The following CLSTN2 variants were observed in gnomAD, a reference collection of about 807,000 sequenced individuals.
CLSTN2 encodes the protein calsyntenin 2, also known as calsyntenin-2.
CLSTN2 carries 48 observed loss-of-function variants against 101.2 expected under a neutral mutation model. The ratio of observed to expected loss-of-function variants is 0.47; its 90% CI spans 0.38 to 0.60. The LOEUF is 0.60. Ranked by LOEUF, CLSTN2 falls within the 20% of genes least tolerant of loss-of-function variation. CLSTN2 has a pLI of 0.00. For synonymous variants in CLSTN2, 481 were observed against 463.6 expected (o/e 1.04, Z -0.48); for missense variants, 1,160 against 1,238.2 (o/e 0.94, Z 0.95).
At position 140,574,041 on chromosome 3, in the gene CLSTN2, C is replaced by T. The variant is rs1394958938; in HGVS notation, c.*7788C>T. 2.0e-5 allele frequency: 3 copies of T among 152,302 alleles called. No homozygotes were observed. The highest frequency in any genetic ancestry group is 2.1e-4 in the South Asian group (1 of 4,828). The allele number at this position is 152,302 out of a possible 1,614,324, so 9.4% of individuals were successfully genotyped here. On this transcript the variant is annotated 3_prime_UTR_variant, in exon 17 of 17. Transcript: ENST00000458420. ...CACCTCCTTAAGGTAAGAAGACTAC[C>T]GACTTAGCTATTGTGGCACCACGGG... is the stretch of plus-strand genomic sequence containing the variant.
At chr3:140,408,510 T>C (rs890822238) in intron 4 of CLSTN2, among the ~76,000 whole-genome samples, 3 of 152,190 alleles carry the variant, frequency 2.0e-5, no homozygotes, top group African/African-American at 7.2e-5. Flanking sequence ...TGGCTTTCAC[T>C]GCCAAGGAGC....
chr3:140,523,595 C>T (rs1306925722), intron 8 of CLSTN2, among the ~76,000 whole-genome samples: 1 of 152,204 alleles, frequency 6.6e-6, no homozygotes, highest in Non-Finnish European at 1.5e-5. Context: ...TTACTTAGCT[C>T]AATTCACACA....
intron 2 of CLSTN2, among the ~76,000 whole-genome samples, chr3:140,371,113 T>G (rs1481339004): frequency 6.6e-6 from 1 of 152,182 alleles, no homozygotes; most frequent in Non-Finnish European, 1.5e-5. Flanking sequence ...GGCAATGTGT[T>G]TCACAGGCAA....
rs1445298942 is a variant in CLSTN2 at position 140,459,565 on chromosome 3, G to T, written c.1018G>T (p.Ala340Ser). Residue 340 changes from alanine to serine, a missense_variant, in exon 7 of 17, where the codon GCC becomes TCC. Transcript: ENST00000458420. ...TGACCTCTTGCCATCCCCTAGCGCTGCCACCAACTGGACTGCAGGACTGCT... is the reference window on the plus strand; with the variant it reads ...TGACCTCTTGCCATCCCCTAGCGCTTCCACCAACTGGACTGCAGGACTGCT... ...IIDLLPSPSA[A>S]TNWTAGLLVD... is the part of the protein sequence containing the mutation. 2.5e-6 allele frequency: 4 copies of T among 1,614,098 alleles called. No homozygotes were observed. In the South Asian group the frequency reaches 4.4e-5, roughly 18 times the overall value.
At chr3:140,298,747 G>A (rs961989502) in intron 2 of CLSTN2, among the ~76,000 whole-genome samples, 2 of 152,224 alleles carry the variant, frequency 1.3e-5, no homozygotes, top group African/African-American at 4.8e-5. Flanking sequence ...AACTGTGGAT[G>A]CAGTGGGGGT....
chr3:140,386,291 T>A (rs142621209), intron 2 of CLSTN2, among the ~76,000 whole-genome samples: 1 of 152,280 alleles, frequency 6.6e-6, no homozygotes, highest in African/African-American at 2.4e-5. Flanking sequence ...GTCATTCCAA[T>A]TACAATTCCA....
intron 2 of CLSTN2, among the ~76,000 whole-genome samples, chr3:140,327,371 G>A (rs532508039): frequency 9.9e-5 from 15 of 152,254 alleles, no homozygotes; most frequent in African/African-American, 3.6e-4. Flanking sequence ...TGCCTCTGTT[G>A]CCCTAGCAAC....
chr3:140,348,385 T>C (rs1273275427), intron 2 of CLSTN2, among the ~76,000 whole-genome samples: 2 of 152,332 alleles, frequency 1.3e-5, no homozygotes, highest in East Asian at 3.9e-4. Flanking sequence ...ATTCATGCCG[T>C]GATTTAGAGT....
At chr3:140,033,153 A>G (rs1291940579) in intron 1 of CLSTN2, among the ~76,000 whole-genome samples, 1 of 152,240 alleles carries the variant, frequency 6.6e-6, no homozygotes, top group East Asian at 1.9e-4. Flanking sequence ...AGTAGATAAC[A>G]CATAAAAACT....
intron 7 of CLSTN2, 25 bp downstream of exon 7, chr3:140,459,794 ACCC>A (rs201827559): frequency 6.4e-7 from 1 of 1,559,576 alleles, no homozygotes; most frequent in Non-Finnish European, 8.7e-7. Context: ...CAGCCCTTCC[ACCC>A]CTCCTACCCC....
At chr3:139,964,669 G>A (rs1312166116) in intron 1 of CLSTN2, among the ~76,000 whole-genome samples, 1 of 152,100 alleles carries the variant, frequency 6.6e-6, no homozygotes, top group Non-Finnish European at 1.5e-5. Context: ...TGGAGGGAGT[G>A]AGGTGGGTAC....
chr3:139,936,495 A>C lies in CLSTN2; in HGVS notation c.109+1012A>C, dbSNP rs114513874. Among the ~76,000 whole-genome samples, 1,458 of 152,318 alleles carry C rather than the reference A, an allele frequency of 9.6e-3. 19 individuals carry two copies. The highest frequency in any genetic ancestry group is 0.032 in the African/African-American group (1,334 of 41,572). On this transcript the variant is annotated intron_variant, in intron 1 of 16. Transcript: ENST00000458420. ...TTTGTGGACTGTGGCCAAATCCGCC[A>C]GGTGACAATGAGGGGTACTTGGTCC...
chr3:139,999,327 G>T (rs1392250734), intron 1 of CLSTN2, among the ~76,000 whole-genome samples: 2 of 142,532 alleles, frequency 1.4e-5, no homozygotes, highest in Non-Finnish European at 3.1e-5. Flanking sequence ...CTCAGTGTTT[G>T]GCTCCCACTT....
At chr3:140,036,194 T>C (rs910738476) in intron 1 of CLSTN2, among the ~76,000 whole-genome samples, 1 of 152,246 alleles carries the variant, frequency 6.6e-6, no homozygotes. Context: ...GTAAGCTAGA[T>C]AGTATTTGAG....
In CLSTN2 at chr3:140,439,587, C is replaced by G. The variant is rs192982936; in HGVS notation, c.788-8932C>G. On this transcript the variant is annotated intron_variant, in intron 5 of 16. Transcript: ENST00000458420. The stretch of plus-strand genomic sequence containing the variant: ...GACATTTATTGAGAATGTCTAGGGA[C>G]TAAAAAGGTTAAAAATATACAGAAA... Among the ~76,000 whole-genome samples the G allele has an allele frequency of 2.6e-5, 4 of 152,276 alleles. No homozygotes were observed. In the East Asian group the frequency reaches 5.8e-4, roughly 22 times the overall value.
At chr3:140,014,689 G>T (rs1342509303) in intron 1 of CLSTN2, among the ~76,000 whole-genome samples, 5 of 152,178 alleles carry the variant, frequency 3.3e-5, no homozygotes, top group African/African-American at 1.2e-4. Flanking sequence ...CTGAGGAACT[G>T]CAGGGAGGCC....
chr3:140,395,659 T>C (rs1019421193), intron 2 of CLSTN2, among the ~76,000 whole-genome samples: 12 of 152,250 alleles, frequency 7.9e-5, no homozygotes, highest in African/African-American at 2.2e-4. Flanking sequence ...CAATGTTCTG[T>C]TACAATATGG....
At chr3:140,524,344 C>A (rs914924067) in intron 8 of CLSTN2, among the ~76,000 whole-genome samples, 1 of 152,162 alleles carries the variant, frequency 6.6e-6, no homozygotes, top group Admixed American at 6.5e-5. Context: ...TGGAAGTGAG[C>A]ATGTGAAGCT....
chr3:140,532,449 C>A lies in CLSTN2; in HGVS notation c.1470C>A (p.His490Gln). The A allele has an allele frequency of 6.2e-7, 1 of 1,613,920 alleles. No individual in the cohort carries two copies. The highest frequency in any genetic ancestry group is 8.5e-7 in the Non-Finnish European group (1 of 1,179,898). ...ACGACTGGCCCATTCATCCATCTCA[C>A]ATAGCCATGCAACTCACAGTCGGCG... ...VTNDWPIHPS[H>Q]IAMQLTVGAC... Residue 490 changes from histidine to glutamine, a missense_variant, in exon 9 of 17, where the codon CAC (histidine) becomes CAA (glutamine). By Grantham distance (24) the His-to-Gln change is conservative. Transcript: ENST00000458420.
Sources: allele counts gnomAD v4.1 joint callset (sites outside exome capture counted in the v4.1 genomes callset), GRCh38; gene constraint gnomAD v4.1.1; transcripts MANE v1.5; gene names NCBI Gene and HGNC (gene_info 2026-07-23, HGNC 2026-07-21).